Variants in LPP observed in about 807,000 individuals in gnomAD.
LPP encodes lipoma-preferred partner.
LPP carries 38 observed loss-of-function variants against 60.4 expected under a neutral mutation model. The ratio of observed to expected loss-of-function variants is 0.63; its 90% confidence interval spans 0.49 to 0.83. The LOEUF is 0.83. LPP is among the 40% of genes least tolerant of loss of function. The pLI is 0.00. For missense variants in LPP, 902 were observed against 783.6 expected (o/e 1.15, Z -1.80); for synonymous variants, 328 against 290.8 (o/e 1.13, Z -1.30).
intron 7 of LPP, among the ~76,000 whole-genome samples, chr3:188,703,539 G>T (rs1245554387): frequency 2.6e-5 from 4 of 152,124 alleles, no homozygotes; most frequent in Admixed American, 1.3e-4. Flanking sequence ...ATTCTGCACT[G>T]GGTTAGTGAC....
At chr3:188,825,077 A>G (rs1453573460) in intron 9 of LPP, among the ~76,000 whole-genome samples, 1 of 152,144 alleles carries the variant, frequency 6.6e-6, no homozygotes, top group East Asian at 1.9e-4. Context: ...TCTATGTGCA[A>G]TGTCTGAGTT....
At chr3:188,474,844 T>A (rs1207487114) in intron 4 of LPP, among the ~76,000 whole-genome samples, 2 of 152,224 alleles carry the variant, frequency 1.3e-5, no homozygotes, top group African/African-American at 4.8e-5. Context: ...ATTGTCCTAT[T>A]TATTTTGAAT....
At chr3:188,630,967 A>G (rs1407927019) in intron 7 of LPP, among the ~76,000 whole-genome samples, 1 of 152,144 alleles carries the variant, frequency 6.6e-6, no homozygotes. Context: ...TGGGAGCTAA[A>G]CACTGAATAC....
In LPP at chr3:188,869,489, C is replaced by G. The variant is rs74893682; in HGVS notation, c.1589+3111C>G. ...TATTTTTAGTACAGACAAGGTTTCA[C>G]CATGTTGGCCAGGCTGGTCTTGAAC... On this transcript the variant is annotated intron_variant, in intron 10 of 11. Coordinates refer to ENST00000617246, the MANE Select transcript of LPP (RefSeq NM_001375462.1). Among the ~76,000 whole-genome samples the G allele has an allele frequency of 7.4e-3, 1,121 of 152,258 alleles. 12 individuals carry two copies. Among genetic ancestry groups the G allele is most frequent in the African/African-American group, 0.024 (1,007 of 41,536 alleles).
intron 9 of LPP, among the ~76,000 whole-genome samples, chr3:188,823,801 G>A (rs1577795239): frequency 6.6e-6 from 1 of 151,358 alleles, no homozygotes; most frequent in Non-Finnish European, 1.5e-5. Flanking sequence ...AAATTTTAAA[G>A]TGTATACGTT....
At chr3:188,738,692 TCTTAA>T (rs1478833719) in intron 8 of LPP, among the ~76,000 whole-genome samples, 1 of 152,184 alleles carries the variant, frequency 6.6e-6, no homozygotes, top group African/African-American at 2.4e-5. Context: ...GTCCTTTAAT[TCTTAA>T]CTTTGAATAC....
intron 2 of LPP, among the ~76,000 whole-genome samples, chr3:188,250,855 CTCTT>C (rs896774896): frequency 7.9e-5 from 11 of 138,686 alleles, no homozygotes; most frequent in South Asian, 2.4e-4. Flanking sequence ...TTCTCTTTCT[CTCTT>C]TCTTTTCTTT....
intron 2 of LPP, among the ~76,000 whole-genome samples, chr3:188,339,928 G>C (rs1183577817): frequency 6.6e-6 from 1 of 152,222 alleles, no homozygotes; most frequent in African/African-American, 2.4e-5. Context: ...CCTTAGCTTA[G>C]TAATGTGTCA....
intron 7 of LPP, among the ~76,000 whole-genome samples, chr3:188,669,577 A>C (rs778634167): frequency 8.5e-5 from 13 of 152,146 alleles, no homozygotes; most frequent in Non-Finnish European, 1.9e-4. Flanking sequence ...CTCCATCTCA[A>C]AAAAATAAAA....
At chr3:188,240,182 G>A (rs891970393) in intron 2 of LPP, 3 of 182,708 alleles carry the variant, frequency 1.6e-5, no homozygotes, top group Non-Finnish European at 3.5e-5. Flanking sequence ...ATGTGTAAAT[G>A]ATATCTGTGT....
intron 2 of LPP, among the ~76,000 whole-genome samples, chr3:188,330,011 G>T (rs1396357299): frequency 6.6e-6 from 1 of 152,094 alleles, no homozygotes; most frequent in Non-Finnish European, 1.5e-5. Flanking sequence ...CTCTATTAAA[G>T]TTTCTTGCTC....
intron 2 of LPP, among the ~76,000 whole-genome samples, chr3:188,325,509 C>T (rs56053437): frequency 0.11 from 16,610 of 152,128 alleles, 1,458 homozygotes; most frequent in East Asian, 0.31. Context: ...CCCCATCATT[C>T]TTCTGTCATT....
Position 188,709,614 on chromosome 3 carries a change from C to A in LPP, c.1240+1221C>A, listed in dbSNP as rs1424441981. ...TCAGGTGATCCACCCGCCTCAGCCT[C>A]CCAAAGTGCTGGGATTACAGGTGTG... On this transcript the variant is annotated intron_variant, in intron 8 of 11. Transcript: ENST00000617246. 1.3e-5 allele frequency: 2 copies of A among 152,220 alleles called. 1 individual carries two copies. Among genetic ancestry groups the A allele is most frequent in the African/African-American group, 4.8e-5 (2 of 41,436 alleles). The allele number at this position is 152,220 out of a possible 1,614,324, so 9.4% of individuals were successfully genotyped here.
At chr3:188,818,253 G>A (rs1009785277) in intron 9 of LPP, among the ~76,000 whole-genome samples, 1 of 152,182 alleles carries the variant, frequency 6.6e-6, no homozygotes, top group Non-Finnish European at 1.5e-5. Context: ...CCCCAGTACA[G>A]CTAATATGCT....
chr3:188,245,253 C>G (rs1456783758), intron 2 of LPP, among the ~76,000 whole-genome samples: 1 of 151,828 alleles, frequency 6.6e-6, no homozygotes, highest in Non-Finnish European at 1.5e-5. Flanking sequence ...GCTGGGATTA[C>G]AGGCACCCGC....
chr3:188,661,600 C>G (rs1379282069), intron 7 of LPP, among the ~76,000 whole-genome samples: 1 of 152,150 alleles, frequency 6.6e-6, no homozygotes, highest in African/African-American at 2.4e-5. Flanking sequence ...GGTGAGGTGT[C>G]TGTTCAGGTC....
intron 2 of LPP, among the ~76,000 whole-genome samples, chr3:188,288,920 T>C: frequency 6.7e-6 from 1 of 149,004 alleles, no homozygotes. Context: ...AATGATGTTA[T>C]AAGTTTTTGT....
chr3:188,154,157 ACCT>A lies in LPP; in HGVS notation c.-277_-275del, dbSNP rs1185600736. ...ACAATGGGAGGGGGAGTGCCCGGGC[ACCT>A]CCTCCTCTGCCTCTGCCTCCGCCTC... On this transcript the variant is annotated 5_prime_UTR_variant, in exon 1 of 12. Transcript: ENST00000617246. 1 of 198,686 alleles carries A rather than the reference ACCT, an allele frequency of 5.0e-6. No homozygotes were observed. The highest frequency in any genetic ancestry group is 9.7e-6 in the Non-Finnish European group (1 of 103,218). 12.3% of individuals were successfully genotyped at this position (198,686 alleles called of 1,614,324 possible).
intron 6 of LPP, among the ~76,000 whole-genome samples, chr3:188,597,495 G>A (rs1840213350): frequency 1.3e-5 from 2 of 152,062 alleles, no homozygotes; most frequent in Admixed American, 6.6e-5. Context: ...GATAGGAATG[G>A]TTGGTTCTAT....
Sources: gnomAD v4.1 joint callset for allele counts (sites outside exome capture counted in the v4.1 genomes callset) on GRCh38, gnomAD v4.1.1 for gene constraint, MANE v1.5 for transcripts, NCBI Gene and HGNC (gene_info 2026-07-23, HGNC 2026-07-21) for gene names.